Variants in PPIE observed in about 807,000 individuals in gnomAD.
PPIE encodes peptidyl-prolyl cis-trans isomerase E.
Under a neutral mutation model 38.4 loss-of-function variants are expected in PPIE, and 20 were observed. The observed-to-expected ratio is 0.52, with a 90% CI of 0.37 to 0.76. The LOEUF is 0.76. Ranked by LOEUF, PPIE falls within the 30% of genes least tolerant of loss-of-function variation. The pLI, the probability that PPIE is intolerant of heterozygous loss-of-function variation, is 0.00. For synonymous variants in PPIE, 142 were observed against 135.7 expected, an observed-to-expected ratio of 1.05 and a Z score of -0.32; for missense variants, 322 against 385.8, an observed-to-expected ratio of 0.83 and a Z score of 1.39.
intron 8 of PPIE, 23 bp from the exon 9 acceptor site, chr1:39,752,887 C>T: frequency 6.2e-7 from 1 of 1,605,966 alleles, no homozygotes; most frequent in Non-Finnish European, 8.5e-7. Context: ...GTTCGGGGAG[C>T]TGATGGTTGT....
intron 8 of PPIE, among the ~76,000 whole-genome samples, chr1:39,749,644 A>T (rs1156881649): frequency 6.6e-6 from 1 of 152,006 alleles, no homozygotes; most frequent in Admixed American, 6.6e-5. Context: ...CCACTCGTGC[A>T]TGCTCTTTCT....
chr1:39,742,043 C>T lies in PPIE; in HGVS notation c.201+122C>T. ...GGTTGCATGGGGAGGTAAAAATTCT[C>T]ACATGAAAATATTCACTGTGAATTG... On this transcript the variant is annotated intron_variant, in intron 4 of 9. Coordinates refer to ENST00000324379, the MANE Select transcript of PPIE (RefSeq NM_006112.4). The T allele has an allele frequency of 4.0e-6, 4 of 996,398 alleles. No individual in the cohort carries two copies. In the South Asian group the frequency reaches 4.4e-5, roughly 11 times the overall value. 61.7% of individuals were successfully genotyped at this position (996,398 alleles called of 1,614,324 possible). A position where few individuals can be genotyped will look rare whatever the true frequency, so the allele number is the denominator to read the frequency against.
Position 39,753,964 on chromosome 1 carries a change from A to G in PPIE, c.*609A>G, listed in dbSNP as rs533372807. The G allele has an allele frequency of 1.5e-5, 15 of 985,456 alleles. No homozygotes were observed. The African/African-American group carries it at 2.3e-4, about 15-fold the overall frequency. 61.0% of individuals were successfully genotyped at this position (985,456 alleles called of 1,614,324 possible). ...CCAGCTGCCGGCCTTACAGCCAGCA[A>G]GTGTACTCTCAGTGGTTCATTTGTT... On this transcript the variant is annotated 3_prime_UTR_variant, in exon 10 of 10. Transcript: ENST00000324379.
chr1:39,760,612 C>T (rs753880794), downstream of PPIE: 1 of 1,595,512 alleles, frequency 6.3e-7, no homozygotes, highest in Non-Finnish European at 8.5e-7. Flanking sequence ...GCCCAGTGGC[C>T]TCCTCCAAGG....
intron 6 of PPIE, 54 bp downstream of exon 6, chr1:39,743,978 C>CTT (rs375602951): frequency 9.3e-5 from 109 of 1,172,798 alleles, no homozygotes; most frequent in South Asian, 1.8e-4. Context: ...CCACAGGAGA[C>CTT]TTTTTTTTTT....
intron 7 of PPIE, chr1:39,745,968 A>G (rs1358640844): frequency 6.5e-6 from 1 of 154,754 alleles, no homozygotes; most frequent in Non-Finnish European, 1.4e-5. Context: ...TTGTTTTGAA[A>G]AAACAGTCGT....
Position 39,755,852 on chromosome 1 carries a change from G to A in PPIE, c.*2497G>A, listed in dbSNP as rs1234183034. ...ACAGGTAAACTGAGGCTTTATTGGC[G>A]TGACTGCCAAAGGTCACACAGGGTG... is the stretch of plus-strand genomic sequence containing the variant. On this transcript the variant is annotated 3_prime_UTR_variant, in exon 10 of 10. Transcript: ENST00000324379. The A allele has an allele frequency of 1.4e-5, 14 of 985,280 alleles. No homozygotes were observed. Among genetic ancestry groups the A allele is most frequent in the African/African-American group, 5.2e-5 (3 of 57,222 alleles). 61.0% of individuals were successfully genotyped at this position (985,280 alleles called of 1,614,324 possible). A position where few individuals can be genotyped will look rare whatever the true frequency, so the allele number is the denominator to read the frequency against.
intron 7 of PPIE, chr1:39,746,791 C>T (rs1569667583): frequency 6.6e-6 from 1 of 152,316 alleles, no homozygotes. Context: ...ATTTTGTTTT[C>T]TAACTTCAGA....
chr1:39,751,487 C>T (rs1038492221), intron 8 of PPIE, among the ~76,000 whole-genome samples: 5 of 152,124 alleles, frequency 3.3e-5, no homozygotes, highest in Non-Finnish European at 4.4e-5. Context: ...TCCCAAATAG[C>T]TGGGATTATA....
intron 4 of PPIE, chr1:39,742,133 C>A: frequency 1.8e-6 from 1 of 558,130 alleles, no homozygotes; most frequent in Non-Finnish European, 3.2e-6. Context: ...AAGTCCTCAT[C>A]ATCCTTGTTG....
rs769340090 is a variant in PPIE at position 39,740,280 on chromosome 1, C to T, written c.130+17C>T. 4 of 1,587,792 alleles carry T rather than the reference C, an allele frequency of 2.5e-6. No individual in the cohort carries two copies. The highest frequency in any genetic ancestry group is 4.5e-5 in the East Asian group (2 of 44,752). On this transcript the variant is annotated intron_variant, in intron 2 of 9. Coordinates refer to ENST00000324379, the MANE Select transcript of PPIE (RefSeq NM_006112.4). Reference sequence around the variant, plus strand: ...ATGAAACAGGTGAGTTAGTGTCTCTCACGTTCAGAATCCTCTTACTAGGAA... The same window carrying T: ...ATGAAACAGGTGAGTTAGTGTCTCTTACGTTCAGAATCCTCTTACTAGGAA...
chr1:39,754,980 T>A lies in PPIE; in HGVS notation c.*1625T>A. 1.0e-6 allele frequency: 1 copy of A among 983,434 alleles called. No homozygotes were observed. Among genetic ancestry groups the A allele is most frequent in the Middle Eastern group, 5.2e-4 (1 of 1,906 alleles). 60.9% of individuals were successfully genotyped at this position (983,434 alleles called of 1,614,324 possible). A position where few individuals can be genotyped will look rare whatever the true frequency, so the allele number is the denominator to read the frequency against. Reference sequence around the variant, plus strand: ...TCACAGTCCCAAGGCCTAAAATACTTACTATCTGAGCCTTTACAAAACAGG... The same window carrying A: ...TCACAGTCCCAAGGCCTAAAATACTAACTATCTGAGCCTTTACAAAACAGG... On this transcript the variant is annotated 3_prime_UTR_variant, in exon 10 of 10. Coordinates refer to ENST00000324379, the MANE Select transcript of PPIE (RefSeq NM_006112.4).
chr1:39,748,218 C>A (rs56064244), intron 7 of PPIE: 1 of 152,012 alleles, frequency 6.6e-6, no homozygotes, highest in Non-Finnish European at 1.5e-5. Context: ...CTTTGATGCA[C>A]GTCTTAAATT....
At chr1:39,741,253 A>T in intron 2 of PPIE, 113 bp from the exon 3 acceptor site, 1 of 845,596 alleles carries the variant, frequency 1.2e-6, no homozygotes, top group African/African-American at 1.7e-5. Context: ...TAGTGATTGG[A>T]TAGAACTTCT....
intron 7 of PPIE, chr1:39,748,630 G>GTCCCC (rs1647368442): frequency 2.5e-6 from 1 of 399,768 alleles, no homozygotes; most frequent in Non-Finnish European, 4.6e-6. Context: ...AGCTACTCAA[G>GTCCCC]AGGCTGAGGC....
chr1:39,743,424 G>C, intron 5 of PPIE, 127 bp downstream of exon 5: 1 of 800,270 alleles, frequency 1.2e-6, no homozygotes, highest in Non-Finnish European at 2.1e-6. Flanking sequence ...GTAGATGATG[G>C]TTCACATTGG....
rs763326381 is a variant in PPIE, at chr1:39,738,915, G to A, written c.15G>A (p.Lys5=). The stretch of plus-strand genomic sequence containing the variant: ...GCGCGAGCAAGATGGCCACCACCAA[G>A]CGCGTCTTGTACGTGGGTGAGCAGG... MATT[K]RVLYVGGLAE... The change falls in exon 1 of 10, where the codon AAG becomes AAA. Residue 5 remains lysine (K), a synonymous_variant. Transcript: ENST00000324379. The A allele has an allele frequency of 1.3e-6, 2 of 1,504,394 alleles. No individual in the cohort carries two copies. Among genetic ancestry groups the A allele is most frequent in the South Asian group, 2.6e-5 (2 of 76,024 alleles). 93.2% of individuals were successfully genotyped at this position (1,504,394 alleles called of 1,614,324 possible). A position where few individuals can be genotyped will look rare whatever the true frequency, so the allele number is the denominator to read the frequency against.
At position 39,753,819 on chromosome 1, in the gene PPIE, C is replaced by G. The variant is rs1279354187; in HGVS notation, c.*464C>G. 1.0e-6 allele frequency: 1 copy of G among 992,838 alleles called. No individual in the cohort carries two copies. The highest frequency in any genetic ancestry group is 1.2e-6 in the Non-Finnish European group (1 of 834,714). 61.5% of individuals were successfully genotyped at this position (992,838 alleles called of 1,614,324 possible). A position where few individuals can be genotyped will look rare whatever the true frequency, so the allele number is the denominator to read the frequency against. ...GCATCTTTTTCACAGCTTTCATTTC[C>G]TCCCTTGGGCCGATCCCCTTAGATG... On this transcript the variant is annotated 3_prime_UTR_variant, in exon 10 of 10. Transcript: ENST00000324379.
intron 1 of PPIE, chr1:39,739,290 T>C (rs1284112691): frequency 4.0e-6 from 1 of 249,464 alleles, no homozygotes; most frequent in Non-Finnish European, 7.6e-6. Context: ...GCCACACACC[T>C]CAGGTGCGTG....
Sources: allele counts gnomAD v4.1 joint callset (sites outside exome capture counted in the v4.1 genomes callset), GRCh38; gene constraint gnomAD v4.1.1; transcripts MANE v1.5; gene names NCBI Gene and HGNC (gene_info 2026-07-23, HGNC 2026-07-21).